ANOS1: variants seen among roughly 807,000 people sequenced by gnomAD.
ANOS1 encodes anosmin-1.
A neutral mutation model predicts 59.0 loss-of-function variants in ANOS1; 6 were observed. The ratio of observed to expected loss-of-function variants is 0.10; its 90% CI spans 0.06 to 0.20. The LOEUF (loss-of-function observed/expected upper bound fraction) is 0.20, where lower values mean the gene tolerates loss of function less well. Ranked by LOEUF, ANOS1 falls within the 10% of genes least tolerant of loss-of-function variation. The pLI is 1.00. For missense variants in ANOS1, 433 were observed against 542.3 expected (o/e 0.80, Z 2.00); for synonymous variants, 217 against 223.4 (o/e 0.97, Z 0.25).
intron 9 of ANOS1, among the ~76,000 whole-genome samples, chrX:8,544,974 G>A (rs1188719874): frequency 8.9e-5 from 9 of 101,160 alleles, no homozygotes; most frequent in Non-Finnish European, 1.6e-4. Context: ...GCTGAGACAG[G>A]AGAATCACTC....
At chrX:8,647,329 C>T (rs961844655) in intron 2 of ANOS1, among the ~76,000 whole-genome samples, 6 of 111,137 alleles carry the variant, frequency 5.4e-5, no homozygotes, top group Non-Finnish European at 9.4e-5. Context: ...TAAATAAGCA[C>T]GAAACCATCA....
At chrX:8,623,786 A>G (rs2146846831) in intron 2 of ANOS1, 116 bp from the exon 3 acceptor site, 3 of 569,837 alleles carry the variant, frequency 5.3e-6, no homozygotes, top group East Asian at 3.7e-5. Context: ...TAGTTAGTTT[A>G]GAAAACCAAA....
intron 8 of ANOS1, among the ~76,000 whole-genome samples, chrX:8,565,347 A>G (rs1056891437): frequency 9.0e-6 from 1 of 111,577 alleles, no homozygotes; most frequent in Middle Eastern, 4.7e-3. Context: ...TGGCCTGAGA[A>G]GGGGGTTGGT....
intron 8 of ANOS1, among the ~76,000 whole-genome samples, chrX:8,555,558 A>G (rs772784082): frequency 8.0e-4 from 90 of 112,313 alleles, no homozygotes; most frequent in South Asian, 2.2e-3. Flanking sequence ...ATCACTAATG[A>G]TCCCACAGAA....
At chrX:8,652,866 T>A (rs1166006087) in intron 2 of ANOS1, among the ~76,000 whole-genome samples, 1 of 110,950 alleles carries the variant, frequency 9.0e-6, no homozygotes, top group Non-Finnish European at 1.9e-5. Context: ...TTATTTATTT[T>A]TATTTTTGAG....
At chrX:8,682,535 C>T (rs554899869) in intron 2 of ANOS1, among the ~76,000 whole-genome samples, 2 of 111,174 alleles carry the variant, frequency 1.8e-5, no homozygotes, top group South Asian at 7.6e-4. Context: ...TATTATCTGC[C>T]CCATTTTTCT....
At chrX:8,570,123 C>T (rs1216546911) in intron 7 of ANOS1, among the ~76,000 whole-genome samples, 1 of 93,687 alleles carries the variant, frequency 1.1e-5, no homozygotes, top group African/African-American at 4.1e-5. Context: ...CTTCCATTTA[C>T]AAGGATCTCT....
intron 8 of ANOS1, among the ~76,000 whole-genome samples, 175 bp from the exon 9 acceptor site, chrX:8,554,273 A>T (rs969835902): frequency 9.0e-6 from 1 of 111,519 alleles, no homozygotes; most frequent in Admixed American, 9.5e-5. Flanking sequence ...GACTGGTTAG[A>T]CAGTGGGTGC....
chrX:8,534,252 C>A, intron 13 of ANOS1, 67 bp downstream of exon 13: 2 of 1,106,379 alleles, frequency 1.8e-6, no homozygotes, highest in Non-Finnish European at 2.5e-6. Context: ...TTTCATTTTC[C>A]AGCAAGATTT....
At chrX:8,615,542 C>CAAAAAAAAAA in intron 3 of ANOS1, among the ~76,000 whole-genome samples, 1 of 58,043 alleles carries the variant, frequency 1.7e-5, no homozygotes, top group East Asian at 5.5e-4. Flanking sequence ...GACCCTGTCT[C>CAAAAAAAAAA]AAAAAAAAAA....
intron 2 of ANOS1, among the ~76,000 whole-genome samples, chrX:8,666,017 C>T (rs5933679): frequency 0.37 from 40,069 of 108,159 alleles, 8,056 homozygotes; most frequent in African/African-American, 0.75. Flanking sequence ...GCCTGGGAGA[C>T]ATAGCAAGAT....
intron 2 of ANOS1, among the ~76,000 whole-genome samples, chrX:8,626,942 G>T (rs1410013278): frequency 9.0e-6 from 1 of 110,649 alleles, no homozygotes; most frequent in Non-Finnish European, 1.9e-5. Flanking sequence ...GTTTCCTATG[G>T]CTACATCAAT....
At position 8,717,346 on chromosome X, in the gene ANOS1, C is replaced by T. The variant is rs768222291; in HGVS notation, c.207+14484G>A. Among the ~76,000 whole-genome samples the T allele has an allele frequency of 1.9e-3, 208 of 111,413 alleles. 1 individual carries two copies. The highest frequency in any genetic ancestry group is 4.1e-3 in the South Asian group (11 of 2,672). On this transcript the variant is annotated intron_variant, in intron 1 of 13. Coordinates refer to ENST00000262648, the MANE Select transcript of ANOS1 (RefSeq NM_000216.4). Reference sequence around the variant, plus strand: ...TAGAAAAATGAAAATTACAGATGGTCGACTAGTCTATATTTGTTTTTCTGG... The same window carrying T: ...TAGAAAAATGAAAATTACAGATGGTTGACTAGTCTATATTTGTTTTTCTGG...
chrX:8,610,805 A>G (rs1931042455), intron 3 of ANOS1, among the ~76,000 whole-genome samples: 1 of 111,674 alleles, frequency 9.0e-6, no homozygotes, highest in Non-Finnish European at 1.9e-5. Flanking sequence ...AAAGCTTAAA[A>G]GAAACTTTTA....
intron 9 of ANOS1, among the ~76,000 whole-genome samples, chrX:8,553,135 A>G (rs1374355526): frequency 9.1e-6 from 1 of 110,327 alleles, no homozygotes; most frequent in Non-Finnish European, 1.9e-5. Context: ...AGTGATAAAG[A>G]TAAAAGACTG....
chrX:8,604,404 T>C (rs948525410), intron 3 of ANOS1, among the ~76,000 whole-genome samples: 1 of 112,460 alleles, frequency 8.9e-6, no homozygotes, highest in Non-Finnish European at 1.9e-5. Flanking sequence ...AATAGCTCTC[T>C]AATTTGTGTT....
intron 9 of ANOS1, among the ~76,000 whole-genome samples, chrX:8,547,577 C>A (rs1171384877): frequency 1.8e-5 from 2 of 112,008 alleles, no homozygotes; most frequent in African/African-American, 6.5e-5. Context: ...ACTGCAGGTT[C>A]CTTAAAGGTA....
chrX:8,670,533 A>T (rs1346934418), intron 2 of ANOS1, among the ~76,000 whole-genome samples: 1 of 110,839 alleles, frequency 9.0e-6, no homozygotes, highest in Admixed American at 9.7e-5. Flanking sequence ...TTTAATTACC[A>T]TTGAGGGAAG....
In ANOS1 at chrX:8,585,355, G is replaced by A; in HGVS notation, c.768C>T (p.Ser256=). 2 of 1,210,933 alleles carry A rather than the reference G, an allele frequency of 1.7e-6. No individual in the cohort carries two copies. Among genetic ancestry groups the A allele is most frequent in the Non-Finnish European group, 2.2e-6 (2 of 894,649 alleles). The change falls in exon 6 of 14, where the codon AGC becomes AGT. Residue 256 remains serine (S), a synonymous_variant. Transcript: ENST00000262648. Reference sequence around the variant, plus strand: ...CAGCCACTCGAAACTGGTACCATCGGCTGGGTCTTATGTCAGTCAGTTGAA... The same window carrying A: ...CAGCCACTCGAAACTGGTACCATCGACTGGGTCTTATGTCAGTCAGTTGAA... ...ERVQLTDIRP[S]RWYQFRVAAV...
Sources: gnomAD v4.1 joint callset for allele counts (sites outside exome capture counted in the v4.1 genomes callset) on GRCh38, gnomAD v4.1.1 for gene constraint, MANE v1.5 for transcripts, NCBI Gene and HGNC (gene_info 2026-07-23, HGNC 2026-07-21) for gene names.